SETD7: variants seen among roughly 807,000 people sequenced by gnomAD.
SETD7 encodes SET domain containing 7, histone lysine methyltransferase.
A neutral mutation model predicts 41.8 loss-of-function variants in SETD7; 16 were observed. The ratio of observed to expected loss-of-function variants is 0.38; its 90% CI spans 0.26 to 0.58. The LOEUF (loss-of-function observed/expected upper bound fraction) is 0.58, where lower values mean the gene tolerates loss of function less well. SETD7 is among the 20% of genes least tolerant of loss of function. The pLI, the probability that SETD7 is intolerant of heterozygous loss-of-function variation, is 0.64. For missense variants in SETD7, 346 were observed against 459.7 expected, an observed-to-expected ratio of 0.75 and a Z score of 2.26; for synonymous variants, 163 against 169.7, an observed-to-expected ratio of 0.96 and a Z score of 0.31.
downstream of SETD7, among the ~76,000 whole-genome samples, chr4:139,502,894 C>A (rs1726612775): frequency 6.6e-6 from 1 of 152,028 alleles, no homozygotes. Flanking sequence ...TTATAAGAAG[C>A]TGGTCTTGCT....
At chr4:139,499,772 A>G (rs1726533237) in intron 7 of SETD7, among the ~76,000 whole-genome samples, 1 of 152,148 alleles carries the variant, frequency 6.6e-6, no homozygotes. Flanking sequence ...TCTTCGCTGC[A>G]ACATCTGCTG....
chr4:139,548,385 C>G (rs2111174357), intron 1 of SETD7, among the ~76,000 whole-genome samples: 1 of 152,252 alleles, frequency 6.6e-6, no homozygotes, highest in South Asian at 2.1e-4. Flanking sequence ...AATCCCAGCA[C>G]TTTGGGAGGC....
chr4:139,511,642 T>C lies in SETD7; in HGVS notation c.*21A>G, dbSNP rs780605176. 1 of 1,613,544 alleles carries C rather than the reference T, an allele frequency of 6.2e-7. No homozygotes were observed. The highest frequency in any genetic ancestry group is 8.5e-7 in the Non-Finnish European group (1 of 1,179,878). On this transcript the variant is annotated 3_prime_UTR_variant, in exon 8 of 8. Transcript: ENST00000274031. The stretch of plus-strand genomic sequence containing the variant: ...GATCCAAGTTTCTATTCCAGGTCTC[T>C]GAACCCCAAAGCCAGGCCTTTCACT...
chr4:139,518,784 C>A (rs1248176518), intron 6 of SETD7, among the ~76,000 whole-genome samples: 2 of 152,182 alleles, frequency 1.3e-5, no homozygotes, highest in East Asian at 1.9e-4. Context: ...AGGAGGCAGC[C>A]ATCGATTACC....
chr4:139,517,956 G>A lies in SETD7; in HGVS notation c.849C>T (p.His283=), dbSNP rs141692129. The A allele has an allele frequency of 5.7e-5, 92 of 1,613,946 alleles. No homozygotes were observed. Among genetic ancestry groups the A allele is most frequent in the East Asian group, 1.1e-4 (5 of 44,884 alleles). The change falls in exon 7 of 8, where the codon CAC becomes CAT. Residue 283 remains histidine, a synonymous_variant. Transcript: ENST00000274031. ...CCAAGGAGGCACAGTACTTGGATAC[G>A]TGGTTATAGGGCTCAGGCACATCAA... The part of the protein sequence containing the change: ...TVIDVPEPYN[H]VSKYCASLGH...
intron 5 of SETD7, among the ~76,000 whole-genome samples, chr4:139,521,178 C>T (rs2111135125): frequency 6.6e-6 from 1 of 152,294 alleles, no homozygotes; most frequent in South Asian, 2.1e-4. Context: ...GTAATGCCAG[C>T]ACTTTGGGAG....
At chr4:139,516,139 A>C (rs1579203885) in intron 7 of SETD7, among the ~76,000 whole-genome samples, 1 of 152,286 alleles carries the variant, frequency 6.6e-6, no homozygotes, top group East Asian at 1.9e-4. Flanking sequence ...CAAGGGCTGA[A>C]TATTTCAGGG....
chr4:139,527,702 T>C (rs1727370443), intron 4 of SETD7, among the ~76,000 whole-genome samples: 1 of 152,226 alleles, frequency 6.6e-6, no homozygotes, highest in South Asian at 2.1e-4. Flanking sequence ...CTTCTTACAG[T>C]GCATGGTACA....
intron 7 of SETD7, among the ~76,000 whole-genome samples, chr4:139,499,625 A>C (rs1170154660): frequency 2.0e-5 from 3 of 151,942 alleles, no homozygotes; most frequent in Admixed American, 1.3e-4. Flanking sequence ...TCCACAGCCA[A>C]TCAATCCTTT....
intron 1 of SETD7, among the ~76,000 whole-genome samples, chr4:139,552,175 C>G (rs1173797465): frequency 6.6e-6 from 1 of 151,972 alleles, no homozygotes; most frequent in Non-Finnish European, 1.5e-5. Context: ...TACAAATACA[C>G]TTCATATGCA....
At chr4:139,540,976 G>T (rs138906681) in intron 2 of SETD7, among the ~76,000 whole-genome samples, 1 of 152,140 alleles carries the variant, frequency 6.6e-6, no homozygotes, top group Non-Finnish European at 1.5e-5. Context: ...CTCATCAGAC[G>T]GGTGACCTTG....
chr4:139,554,651 G>A (rs894797462), intron 1 of SETD7, among the ~76,000 whole-genome samples: 2 of 152,224 alleles, frequency 1.3e-5, no homozygotes, highest in Non-Finnish European at 2.9e-5. Context: ...AGCTCTGTGA[G>A]TTCACAACAT....
rs569572661 is a variant in SETD7 at position 139,509,324 on chromosome 4, C to G, written c.*2339G>C. 6.6e-6 allele frequency: 1 copy of G among 152,316 alleles called. No homozygotes were observed. The highest frequency in any genetic ancestry group is 1.9e-4 in the East Asian group (1 of 5,188). 9.4% of individuals were successfully genotyped at this position (152,316 alleles called of 1,614,324 possible). A position where few individuals can be genotyped will look rare whatever the true frequency, so the allele number is the denominator to read the frequency against. Reference sequence around the variant, plus strand: ...GATTTGCGTGGAGGTCACAGACACACTGCTGAGTTTTAAGCTCAGAGTGTT... The same window carrying G: ...GATTTGCGTGGAGGTCACAGACACAGTGCTGAGTTTTAAGCTCAGAGTGTT... On this transcript the variant is annotated 3_prime_UTR_variant, in exon 8 of 8. Coordinates refer to ENST00000274031, the MANE Select transcript of SETD7 (RefSeq NM_030648.4).
At chr4:139,505,778 C>T (rs1272932134), downstream of SETD7, among the ~76,000 whole-genome samples, 2 of 152,162 alleles carry the variant, frequency 1.3e-5, no homozygotes, top group Non-Finnish European at 2.9e-5. Flanking sequence ...CATTTGCATT[C>T]CATACCCTTA....
chr4:139,523,640 T>C (rs960367633), intron 4 of SETD7, among the ~76,000 whole-genome samples: 1 of 152,250 alleles, frequency 6.6e-6, no homozygotes, highest in African/African-American at 2.4e-5. Context: ...TGAACAGCCA[T>C]CAGATGCATC....
chr4:139,546,459 G>A (rs141687120), intron 2 of SETD7: 1 of 204,844 alleles, frequency 4.9e-6, no homozygotes, highest in African/African-American at 2.4e-5. Flanking sequence ...GCCAGATTGT[G>A]ACATCTGGGA....
chr4:139,523,590 C>T (rs1727240042), intron 4 of SETD7, among the ~76,000 whole-genome samples, 155 bp from the exon 5 acceptor site: 1 of 152,220 alleles, frequency 6.6e-6, no homozygotes, highest in Non-Finnish European at 1.5e-5. Context: ...TAAATGGATA[C>T]ATTTTAGATT....
At chr4:139,551,812 A>T (rs1377052827) in intron 1 of SETD7, among the ~76,000 whole-genome samples, 1 of 152,084 alleles carries the variant, frequency 6.6e-6, no homozygotes, top group Non-Finnish European at 1.5e-5. Flanking sequence ...AGCCCAGGAG[A>T]CCAGTCTGGG....
At chr4:139,548,696 A>G (rs986739529) in intron 1 of SETD7, among the ~76,000 whole-genome samples, 3 of 152,210 alleles carry the variant, frequency 2.0e-5, no homozygotes, top group African/African-American at 7.2e-5. Context: ...TAAACATAAA[A>G]TAGCTGCAAA....
Sources: allele counts gnomAD v4.1 joint callset (sites outside exome capture counted in the v4.1 genomes callset), GRCh38; gene constraint gnomAD v4.1.1; transcripts MANE v1.5; gene names NCBI Gene and HGNC (gene_info 2026-07-23, HGNC 2026-07-21).